The following COMMD1 variants were observed in gnomAD, a reference collection of about 807,000 sequenced individuals.
COMMD1 encodes copper metabolism domain containing 1.
COMMD1 carries 10 observed loss-of-function variants against 17.2 expected under a neutral mutation model. The ratio of observed to expected loss-of-function variants is 0.58; its 90% CI spans 0.36 to 0.99. The LOEUF (loss-of-function observed/expected upper bound fraction) is 0.99, where lower values mean the gene tolerates loss of function less well. Ranked by LOEUF, COMMD1 falls within the 50% of genes least tolerant of loss-of-function variation. The pLI is 0.01. For synonymous variants in COMMD1, 97 were observed against 91.6 expected, an observed-to-expected ratio of 1.06 and a Z score of -0.34; for missense variants, 270 against 231.8, an observed-to-expected ratio of 1.17 and a Z score of -1.07.
intron 2 of COMMD1, among the ~76,000 whole-genome samples, chr2:62,087,081 C>G (rs1403786036): frequency 6.6e-6 from 1 of 152,078 alleles, no homozygotes; most frequent in East Asian, 1.9e-4. Flanking sequence ...GCCTTCGCCT[C>G]CCAAAGTGCT....
intron 1 of COMMD1, among the ~76,000 whole-genome samples, chr2:61,964,277 A>G (rs554624767): frequency 8.6e-5 from 13 of 151,824 alleles, no homozygotes; most frequent in Non-Finnish European, 1.5e-4. Flanking sequence ...CTGGAGTGCA[A>G]TGGTGTGATC....
intron 2 of COMMD1, among the ~76,000 whole-genome samples, chr2:62,068,863 G>C (rs367745582): frequency 6.6e-5 from 10 of 151,528 alleles, no homozygotes; most frequent in Non-Finnish European, 1.3e-4. Context: ...GAATGGTCTC[G>C]ATCTCCTGAC....
intron 2 of COMMD1, among the ~76,000 whole-genome samples, chr2:62,008,590 A>G (rs995214741): frequency 1.3e-5 from 2 of 152,204 alleles, no homozygotes; most frequent in Admixed American, 6.5e-5. Context: ...AAGCAATACA[A>G]ATTTGTTTCT....
chr2:61,985,471 A>G (rs1025074328), intron 1 of COMMD1, among the ~76,000 whole-genome samples: 5 of 151,976 alleles, frequency 3.3e-5, no homozygotes, highest in Non-Finnish European at 5.9e-5. Flanking sequence ...TTTACATTCA[A>G]TGTTATTATT....
At chr2:61,888,611 T>C (rs1669321392), upstream of COMMD1, 2 of 1,364,146 alleles carry the variant, frequency 1.5e-6, no homozygotes, top group Middle Eastern at 2.6e-4. Flanking sequence ...TTCACGAACC[T>C]TCCAGAAAGC....
intron 1 of COMMD1, among the ~76,000 whole-genome samples, chr2:61,890,125 C>A (rs1228855130): frequency 1.3e-5 from 2 of 152,184 alleles, no homozygotes; most frequent in African/African-American, 4.8e-5. Context: ...TATTAAGCAC[C>A]TGCAAAGTGA....
At chr2:61,893,773 C>T (rs949863446) in intron 1 of COMMD1, among the ~76,000 whole-genome samples, 5 of 150,552 alleles carry the variant, frequency 3.3e-5, no homozygotes, top group African/African-American at 1.2e-4. Flanking sequence ...GAAATCACAC[C>T]ATTGCACTCC....
intron 2 of COMMD1, among the ~76,000 whole-genome samples, chr2:62,059,424 G>A (rs1670795133): frequency 1.3e-5 from 2 of 152,108 alleles, no homozygotes; most frequent in Admixed American, 1.3e-4. Context: ...CCAAGGTGCT[G>A]GGTTTACAGT....
chr2:62,094,878 G>A (rs1286693187), intron 2 of COMMD1, among the ~76,000 whole-genome samples: 1 of 152,248 alleles, frequency 6.6e-6, no homozygotes, highest in Non-Finnish European at 1.5e-5. Flanking sequence ...CTGAGGTCCA[G>A]ATTAGCTGGT....
At chr2:61,966,403 T>A (rs956851756) in intron 1 of COMMD1, among the ~76,000 whole-genome samples, 23 of 152,336 alleles carry the variant, frequency 1.5e-4, no homozygotes, top group South Asian at 8.3e-4. Context: ...TTCTTTTTTT[T>A]AAAATATGTA....
At chr2:61,962,851 C>A (rs1342669179) in intron 1 of COMMD1, among the ~76,000 whole-genome samples, 1 of 152,036 alleles carries the variant, frequency 6.6e-6, no homozygotes, top group Non-Finnish European at 1.5e-5. Flanking sequence ...TGATTTATGT[C>A]CTTTTTGCTA....
intron 2 of COMMD1, chr2:62,055,428 C>T (rs1271337946): frequency 1.1e-5 from 5 of 455,948 alleles, no homozygotes; most frequent in Non-Finnish European, 1.8e-5. Context: ...AAGAGTTCTA[C>T]TTAAATTACA....
At chr2:61,905,580 G>A, upstream of COMMD1, 1 of 1,267,386 alleles carries the variant, frequency 7.9e-7, no homozygotes, top group Non-Finnish European at 1.1e-6. Context: ...CAGGTTCCCC[G>A]AGGTTCCCCG....
At chr2:62,093,925 A>G (rs1317380357) in intron 2 of COMMD1, among the ~76,000 whole-genome samples, 1 of 152,190 alleles carries the variant, frequency 6.6e-6, no homozygotes, top group African/African-American at 2.4e-5. Flanking sequence ...AGTTAATGCT[A>G]TTAATTCAGC....
chr2:62,078,350 G>T (rs1053572259), intron 2 of COMMD1, among the ~76,000 whole-genome samples: 1 of 149,164 alleles, frequency 6.7e-6, no homozygotes, highest in African/African-American at 2.5e-5. Context: ...TCAAGAGTTC[G>T]AGACCAGCCT....
In COMMD1 at chr2:61,985,137, G is replaced by A. The variant is rs187318257; in HGVS notation, c.181-15564G>A. Among the ~76,000 whole-genome samples the A allele has an allele frequency of 1.0e-4, 15 of 150,244 alleles. No homozygotes were observed. The East Asian group carries it at 2.6e-3, about 26-fold the overall frequency. ...ACGATCTCGGCTCACTGCAAGCTCC[G>A]CCTCCCAGGTTAATGCCATTCTCCT... On this transcript the variant is annotated intron_variant, in intron 1 of 2. Transcript: ENST00000311832.
chr2:62,004,592 G>A (rs867244248), intron 2 of COMMD1, among the ~76,000 whole-genome samples: 2 of 152,078 alleles, frequency 1.3e-5, no homozygotes, highest in East Asian at 1.9e-4. Context: ...TTGAGCCACC[G>A]CGCCCGGCCT....
chr2:61,947,798 C>T (rs1254974601), intron 1 of COMMD1, among the ~76,000 whole-genome samples: 3 of 150,974 alleles, frequency 2.0e-5, no homozygotes, highest in Admixed American at 6.6e-5. Flanking sequence ...GCAATCCTCC[C>T]GCCTCAGCCT....
intron 2 of COMMD1, among the ~76,000 whole-genome samples, chr2:62,077,874 G>A (rs1189548343): frequency 6.6e-6 from 1 of 152,008 alleles, no homozygotes; most frequent in African/African-American, 2.4e-5. Flanking sequence ...AACTTGAAGT[G>A]GGGTGGGGCT....
Sources: allele counts gnomAD v4.1 joint callset (sites outside exome capture counted in the v4.1 genomes callset), GRCh38; gene constraint gnomAD v4.1.1; transcripts MANE v1.5; gene names NCBI Gene and HGNC (gene_info 2026-07-23, HGNC 2026-07-21).